The following LCOR variants were observed in gnomAD, a reference collection of about 807,000 sequenced individuals.
The protein encoded by LCOR is ligand dependent nuclear receptor corepressor.
LCOR carries 14 observed loss-of-function variants against 64.4 expected under a neutral mutation model. The observed-to-expected ratio is 0.22, with a 90% CI of 0.14 to 0.34. The LOEUF (loss-of-function observed/expected upper bound fraction) is 0.34, where lower values mean the gene tolerates loss of function less well. LCOR is among the 10% of genes least tolerant of loss of function. LCOR has a pLI of 1.00. For missense variants in LCOR, 1,686 were observed against 1,765.3 expected (o/e 0.96, Z 0.80); for synonymous variants, 643 against 642.5 (o/e 1.00, Z -0.01).
chr10:96,961,112 A>G (rs1175881424), intron 7 of LCOR: 3 of 152,158 alleles, frequency 2.0e-5, no homozygotes, highest in East Asian at 1.9e-4. Flanking sequence ...CTGCCCTATA[A>G]TACTAAAAAT....
At chr10:96,909,006 C>T (rs1427201260) in intron 4 of LCOR, among the ~76,000 whole-genome samples, 1 of 152,182 alleles carries the variant, frequency 6.6e-6, no homozygotes, top group African/African-American at 2.4e-5. Context: ...TGAGCCACCG[C>T]GCCCGGCCTT....
At chr10:96,851,303 G>A (rs952592120) in intron 2 of LCOR, among the ~76,000 whole-genome samples, 4 of 152,168 alleles carry the variant, frequency 2.6e-5, no homozygotes, top group Admixed American at 6.5e-5. Context: ...TAATTCAACC[G>A]TGTAACCAGG....
chr10:96,873,657 C>T (rs1346987744), intron 2 of LCOR, among the ~76,000 whole-genome samples: 2 of 149,510 alleles, frequency 1.3e-5, no homozygotes, highest in East Asian at 4.0e-4. Flanking sequence ...GGCTGGAGTG[C>T]AGTGGTGCAA....
chr10:96,839,431 C>T (rs993668746), intron 2 of LCOR, among the ~76,000 whole-genome samples: 13 of 152,088 alleles, frequency 8.5e-5, no homozygotes, highest in African/African-American at 2.9e-4. Flanking sequence ...AAGCCAGGTG[C>T]GGTGTCTCAC....
intron 4 of LCOR, among the ~76,000 whole-genome samples, chr10:96,937,790 C>G (rs1430579050): frequency 6.6e-6 from 1 of 152,120 alleles, no homozygotes; most frequent in Non-Finnish European, 1.5e-5. Flanking sequence ...AAAGATATCA[C>G]AAGAAAACTA....
At position 96,985,130 on chromosome 10, in the gene LCOR, A is replaced by G; in HGVS notation, c.4670A>G (p.Lys1557Arg). The G allele has an allele frequency of 3.1e-6, 5 of 1,589,266 alleles. No homozygotes were observed. Among genetic ancestry groups the G allele is most frequent in the Non-Finnish European group, 4.3e-6 (5 of 1,171,272 alleles). ...SHSKRRRLDAK is the reference protein window; with the variant it reads ...SHSKRRRLDAR ...AGCAAACGGAGGCGGCTGGATGCAA[A>G]GTGATTGGAAAGATGGTAGCCAAGA... Residue 1557 changes from lysine (K) to arginine (R), a missense_variant, in exon 8 of 8, where the codon AAG becomes AGG. Physicochemically the swap from Lys to Arg is conservative, Grantham distance 26. Around this residue, in one of 3 missense-constraint regions of LCOR, gnomAD observed 1,293 missense variants for 1,410.4 expected, o/e 0.92. Transcript: ENST00000421806.
intron 2 of LCOR, among the ~76,000 whole-genome samples, chr10:96,876,512 G>A (rs1357699827): frequency 6.6e-6 from 1 of 152,000 alleles, no homozygotes; most frequent in African/African-American, 2.4e-5. Context: ...TATGACAAAA[G>A]CCATATAATT....
chr10:96,888,512 T>C (rs1846385970), intron 2 of LCOR, among the ~76,000 whole-genome samples: 1 of 151,926 alleles, frequency 6.6e-6, no homozygotes, highest in African/African-American at 2.4e-5. Context: ...TCAGTAGTGA[T>C]ATTAACAAAT....
At chr10:96,941,302 C>A (rs1181544731) in intron 4 of LCOR, among the ~76,000 whole-genome samples, 1 of 139,928 alleles carries the variant, frequency 7.1e-6, no homozygotes, top group African/African-American at 2.7e-5. Context: ...CCCCCCACCT[C>A]CCTCCCGGAC....
intron 2 of LCOR, among the ~76,000 whole-genome samples, chr10:96,853,524 A>C (rs535654641): frequency 6.6e-4 from 100 of 152,324 alleles, no homozygotes; most frequent in African/African-American, 2.3e-3. Context: ...AGGTTCAGCT[A>C]ATCTGGTCTA....
At chr10:96,841,362 C>CTTTT (rs199853768) in intron 2 of LCOR, among the ~76,000 whole-genome samples, 7 of 134,810 alleles carry the variant, frequency 5.2e-5, no homozygotes, top group East Asian at 4.3e-4. Flanking sequence ...AAAACTTACA[C>CTTTT]TTTTTTTTTT....
At chr10:96,858,925 T>C (rs955384866) in intron 2 of LCOR, among the ~76,000 whole-genome samples, 2 of 152,172 alleles carry the variant, frequency 1.3e-5, no homozygotes, top group African/African-American at 4.8e-5. Context: ...CCCTGTCCTT[T>C]GCTAAATTTG....
At chr10:96,890,825 A>G (rs72819834) in intron 2 of LCOR, among the ~76,000 whole-genome samples, 3 of 152,008 alleles carry the variant, frequency 2.0e-5, no homozygotes, top group Non-Finnish European at 4.4e-5. Context: ...TCCCCGCTTT[A>G]TTCTGTTAAT....
intron 2 of LCOR, among the ~76,000 whole-genome samples, chr10:96,839,662 C>T (rs182064235): frequency 6.6e-6 from 1 of 151,868 alleles, no homozygotes; most frequent in Non-Finnish European, 1.5e-5. Context: ...ACCCAGACAT[C>T]TGACAAGTTA....
chr10:96,914,967 A>G (rs1430414184), intron 4 of LCOR, among the ~76,000 whole-genome samples: 1 of 152,192 alleles, frequency 6.6e-6, no homozygotes, highest in African/African-American at 2.4e-5. Flanking sequence ...TCTGTGTTGA[A>G]AGGTGGAAAG....
At position 96,980,777 on chromosome 10, in the gene LCOR, C is replaced by G. The variant is rs1021980533; in HGVS notation, c.333-16C>G. The G allele has an allele frequency of 1.1e-5, 7 of 664,488 alleles. No homozygotes were observed. The East Asian group carries it at 1.9e-4, about 18-fold the overall frequency. 41.2% of individuals were successfully genotyped at this position (664,488 alleles called of 1,614,324 possible). A position where few individuals can be genotyped will look rare whatever the true frequency, so the allele number is the denominator to read the frequency against. On this transcript the variant is annotated splice_polypyrimidine_tract_variant and intron_variant, in intron 7 of 7. Transcript: ENST00000421806. ...AAATGACAATACTAATTCCTTCTTT[C>G]TCTTTCTCTGTCTAGTGAGAACTCA... is the stretch of plus-strand genomic sequence containing the variant.
chr10:96,879,960 G>A (rs192522747), intron 2 of LCOR, among the ~76,000 whole-genome samples: 1 of 152,328 alleles, frequency 6.6e-6, no homozygotes, highest in Non-Finnish European at 1.5e-5. Context: ...ACCGTGCCCG[G>A]CCGATACTGT....
chr10:96,924,695 A>G (rs1847138230), intron 4 of LCOR, among the ~76,000 whole-genome samples: 1 of 151,934 alleles, frequency 6.6e-6, no homozygotes, highest in African/African-American at 2.4e-5. Context: ...CTTTGTCATA[A>G]TTACTACTTA....
chr10:96,855,182 C>T (rs1845781841), intron 2 of LCOR, among the ~76,000 whole-genome samples: 1 of 152,098 alleles, frequency 6.6e-6, no homozygotes, highest in South Asian at 2.1e-4. Flanking sequence ...GGTAGCTAAG[C>T]TAATAGCCTA....
Sources: allele counts gnomAD v4.1 joint callset (sites outside exome capture counted in the v4.1 genomes callset), GRCh38; gene constraint gnomAD v4.1.1; regional missense constraint gnomAD v4.1.1; transcripts MANE v1.5; gene names NCBI Gene and HGNC (gene_info 2026-07-23, HGNC 2026-07-21).